GULP1: variants seen among roughly 807,000 people sequenced by gnomAD.
The protein encoded by GULP1 is PTB domain-containing engulfment adapter protein 1.
In GULP1, 19 loss-of-function variants were observed where a neutral mutation model predicts 40.9. The observed-to-expected ratio is 0.46, with a 90% CI of 0.32 to 0.68. The LOEUF is 0.68. Ranked by LOEUF, GULP1 falls within the 30% of genes least tolerant of loss-of-function variation. The pLI is 0.03. For synonymous variants in GULP1, 119 were observed against 117.6 expected, an observed-to-expected ratio of 1.01 and a Z score of -0.08; for missense variants, 312 against 362.2, an observed-to-expected ratio of 0.86 and a Z score of 1.12.
At chr2:188,388,616 A>G (rs59106803) in intron 2 of GULP1, among the ~76,000 whole-genome samples, 74,401 of 152,030 alleles carry the variant, frequency 0.49, 18,708 homozygotes, top group East Asian at 0.72. Context: ...TAATGAAGAG[A>G]GAGCAGCTCA....
At chr2:188,385,233 C>A (rs780571583) in intron 2 of GULP1, among the ~76,000 whole-genome samples, 30 of 152,164 alleles carry the variant, frequency 2.0e-4, no homozygotes, top group Non-Finnish European at 4.3e-4. Context: ...GGTTCCCAAA[C>A]CTCAATTCTT....
intron 1 of GULP1, among the ~76,000 whole-genome samples, chr2:188,369,044 C>T (rs2047247726): frequency 6.8e-6 from 1 of 146,656 alleles, no homozygotes; most frequent in Non-Finnish European, 1.5e-5. Context: ...CTCACTGCAA[C>T]CTGCCTCCTA....
intron 1 of GULP1, among the ~76,000 whole-genome samples, chr2:188,327,808 A>G (rs13008931): frequency 0.48 from 73,555 of 151,838 alleles, 18,413 homozygotes; most frequent in East Asian, 0.72. Flanking sequence ...TGAAAGTGGC[A>G]TTTTTTGAGG....
intron 10 of GULP1, among the ~76,000 whole-genome samples, chr2:188,585,642 A>G (rs866768672): frequency 5.3e-5 from 8 of 152,168 alleles, no homozygotes; most frequent in African/African-American, 1.7e-4. Context: ...CCATGGCTAG[A>G]GCTGGAGTGG....
chr2:188,538,219 T>C (rs1399616183), intron 6 of GULP1, among the ~76,000 whole-genome samples: 1 of 152,104 alleles, frequency 6.6e-6, no homozygotes, highest in Non-Finnish European at 1.5e-5. Flanking sequence ...TATCTTCTGC[T>C]AGCTTTGGGG....
intron 2 of GULP1, among the ~76,000 whole-genome samples, chr2:188,395,376 C>T (rs2051103236): frequency 6.6e-6 from 1 of 152,208 alleles, no homozygotes; most frequent in African/African-American, 2.4e-5. Context: ...ATATAATCCC[C>T]TTGAATTGTT....
chr2:188,426,097 C>G lies in GULP1; in HGVS notation c.-45+42208C>G, dbSNP rs371306050. ...GCAAGTTACAGGCAAATACATAAAT[C>G]AATACATGTAAGGTATACACTGGTT... On this transcript the variant is annotated intron_variant, in intron 2 of 11. Transcript: ENST00000409830. 3.5e-4 allele frequency among the ~76,000 whole-genome samples: 54 copies of G among 152,150 alleles called. No homozygotes were observed. The East Asian group carries it at 5.4e-3, about 15-fold the overall frequency.
At chr2:188,416,197 CT>C (rs1248159812) in intron 2 of GULP1, among the ~76,000 whole-genome samples, 2 of 151,992 alleles carry the variant, frequency 1.3e-5, no homozygotes, top group Non-Finnish European at 2.9e-5. Flanking sequence ...CTTCCTCCAT[CT>C]TTTTTTCTCC....
chr2:188,349,548 A>G (rs1167902168), intron 1 of GULP1, among the ~76,000 whole-genome samples: 1 of 152,054 alleles, frequency 6.6e-6, no homozygotes, highest in Admixed American at 6.6e-5. Flanking sequence ...TTCTTTAGAG[A>G]AATGTGTACT....
chr2:188,431,775 G>A (rs944489648), intron 2 of GULP1, among the ~76,000 whole-genome samples: 1 of 151,902 alleles, frequency 6.6e-6, no homozygotes, highest in African/African-American at 2.4e-5. Flanking sequence ...AGTCATTTAT[G>A]TTAGGACAGA....
chr2:188,561,015 A>G (rs923961261), intron 7 of GULP1, among the ~76,000 whole-genome samples: 2 of 152,236 alleles, frequency 1.3e-5, no homozygotes, highest in African/African-American at 4.8e-5. Context: ...TTATGGGGAC[A>G]CAGGTCCAAA....
At chr2:188,363,002 G>A (rs1428833148) in intron 1 of GULP1, among the ~76,000 whole-genome samples, 1 of 152,012 alleles carries the variant, frequency 6.6e-6, no homozygotes, top group African/African-American at 2.4e-5. Flanking sequence ...CGTAAAGAAA[G>A]GTAGATGAAG....
At chr2:188,496,433 C>T (rs2062902386) in intron 4 of GULP1, among the ~76,000 whole-genome samples, 1 of 151,898 alleles carries the variant, frequency 6.6e-6, no homozygotes, top group South Asian at 2.1e-4. Context: ...CAAGCTTTAC[C>T]AGGAAATAAC....
chr2:188,483,310 A>C, intron 3 of GULP1, 121 bp from the exon 4 acceptor site: 3 of 460,288 alleles, frequency 6.5e-6, no homozygotes, highest in Non-Finnish European at 8.0e-6. Flanking sequence ...ATTCTTTGTC[A>C]TTTTGGCAAA....
At chr2:188,502,697 G>GTAATT (rs1259427501) in intron 4 of GULP1, among the ~76,000 whole-genome samples, 1 of 151,888 alleles carries the variant, frequency 6.6e-6, no homozygotes, top group Non-Finnish European at 1.5e-5. Flanking sequence ...AAATTGTGCA[G>GTAATT]TAATTTAATT....
At chr2:188,574,584 G>A (rs1200036515) in intron 9 of GULP1, among the ~76,000 whole-genome samples, 1 of 152,098 alleles carries the variant, frequency 6.6e-6, no homozygotes, top group Non-Finnish European at 1.5e-5. Flanking sequence ...GGGAGGTCAA[G>A]GTTGCAATGA....
At chr2:188,332,081 T>C (rs1414348782) in intron 1 of GULP1, among the ~76,000 whole-genome samples, 1 of 152,182 alleles carries the variant, frequency 6.6e-6, no homozygotes, top group Non-Finnish European at 1.5e-5. Flanking sequence ...GTAAGGGTCC[T>C]TGGGTACAAA....
At chr2:188,567,889 T>C (rs927712429) in intron 7 of GULP1, among the ~76,000 whole-genome samples, 3 of 152,150 alleles carry the variant, frequency 2.0e-5, no homozygotes, top group Non-Finnish European at 2.9e-5. Context: ...TCAAAACCAC[T>C]TCTTTAATAT....
At chr2:188,362,496 A>G (rs2046229195) in intron 1 of GULP1, among the ~76,000 whole-genome samples, 1 of 152,152 alleles carries the variant, frequency 6.6e-6, no homozygotes, top group Admixed American at 6.6e-5. Flanking sequence ...ACAAAACAAA[A>G]CAGTGGAAGA....
Sources: allele counts gnomAD v4.1 joint callset (sites outside exome capture counted in the v4.1 genomes callset), GRCh38; gene constraint gnomAD v4.1.1; transcripts MANE v1.5; gene names NCBI Gene and HGNC (gene_info 2026-07-23, HGNC 2026-07-21).